ATG3: variants seen among roughly 807,000 people sequenced by gnomAD.
ATG3 encodes ubiquitin-like-conjugating enzyme ATG3.
Under a neutral mutation model 50.7 loss-of-function variants are expected in ATG3, and 25 were observed. The ratio of observed to expected loss-of-function variants is 0.49; its 90% CI spans 0.36 to 0.69. The LOEUF (loss-of-function observed/expected upper bound fraction) is 0.69, where lower values mean the gene tolerates loss of function less well. Among genes scored for constraint, ATG3 ranks in the 30% least tolerant of loss-of-function variants. The pLI, the probability that ATG3 is intolerant of heterozygous loss-of-function variation, is 0.00. For missense variants in ATG3, 281 were observed against 376.0 expected (o/e 0.75, Z 2.09); for synonymous variants, 119 against 125.5 (o/e 0.95, Z 0.34).
chr3:112,537,791 T>A lies in ATG3; in HGVS notation c.610A>T (p.Ile204Phe). 1.2e-6 allele frequency: 2 copies of A among 1,611,896 alleles called. No individual in the cohort carries two copies. Among genetic ancestry groups the A allele is most frequent in the Non-Finnish European group, 1.7e-6 (2 of 1,179,388 alleles). ...ILQTRTYDLY[I>F]TYDKYYQTPR... is the part of the protein sequence containing the mutation. ...GTCTGGTAATATTTATCATAAGTGA[T>A]GTAAAGGTCATAAGTTCTGGTTTGC... Residue 204 changes from isoleucine (I) to phenylalanine (F), a missense_variant, in exon 9 of 12, where the codon ATC becomes TTC. Transcript: ENST00000283290.
rs367646833 is a variant in ATG3 at position 112,555,130 on chromosome 3, A to G, written c.115-1801T>C. ...TGTATTGCCTTGAGGTAACAAGACT[A>G]ACATTTTATCTCATAGTCCCTATAG... On this transcript the variant is annotated intron_variant, in intron 2 of 11. Coordinates refer to ENST00000283290, the MANE Select transcript of ATG3 (RefSeq NM_022488.5). Among the ~76,000 whole-genome samples, 3 of 152,336 alleles carry G rather than the reference A, an allele frequency of 2.0e-5. No individual in the cohort carries two copies. In the East Asian group the frequency reaches 5.8e-4, roughly 29 times the overall value.
chr3:112,546,136 A>T (rs749274759), intron 5 of ATG3, among the ~76,000 whole-genome samples: 8 of 151,700 alleles, frequency 5.3e-5, no homozygotes, highest in African/African-American at 9.7e-5. Flanking sequence ...CAATTCCTCT[A>T]AAAAAAACAC....
intron 10 of ATG3, chr3:112,535,935 A>G (rs1933031286): frequency 6.5e-6 from 1 of 153,378 alleles, no homozygotes; most frequent in East Asian, 1.9e-4. Flanking sequence ...TGGCTCTGTG[A>G]AAAAACACTG....
At chr3:112,539,264 TCTCA>T (rs1933159545) in intron 7 of ATG3, among the ~76,000 whole-genome samples, 1 of 151,894 alleles carries the variant, frequency 6.6e-6, no homozygotes, top group Admixed American at 6.6e-5. Context: ...CAATGGCTTG[TCTCA>T]CTCTGAGTAA....
intron 7 of ATG3, among the ~76,000 whole-genome samples, chr3:112,539,021 C>T (rs557431577): frequency 6.6e-6 from 1 of 152,276 alleles, no homozygotes; most frequent in East Asian, 1.9e-4. Flanking sequence ...CATATGACAT[C>T]CAATCCAGCA....
intron 11 of ATG3, 135 bp downstream of exon 11, chr3:112,534,134 G>A: frequency 7.0e-7 from 1 of 1,419,840 alleles, no homozygotes; most frequent in Non-Finnish European, 9.2e-7. Flanking sequence ...ATAAATGAAA[G>A]ACTTCTACTA....
chr3:112,552,507 T>C (rs1393992628), intron 3 of ATG3, among the ~76,000 whole-genome samples: 1 of 151,934 alleles, frequency 6.6e-6, no homozygotes, highest in African/African-American at 2.4e-5. Context: ...TTCCTAAAGA[T>C]GGAGCATACT....
intron 2 of ATG3, among the ~76,000 whole-genome samples, chr3:112,556,418 C>G (rs574523789): frequency 4.9e-5 from 7 of 143,072 alleles, no homozygotes; most frequent in Non-Finnish European, 1.1e-4. Context: ...GTCAGCCCCC[C>G]GCCCGGCCAG....
At chr3:112,539,615 T>C (rs552723281) in intron 7 of ATG3, among the ~76,000 whole-genome samples, 3 of 152,214 alleles carry the variant, frequency 2.0e-5, no homozygotes, top group Non-Finnish European at 4.4e-5. Context: ...ATTTTGCTTA[T>C]CTATTTTTTG....
intron 9 of ATG3, among the ~76,000 whole-genome samples, chr3:112,537,057 T>G (rs1193042128): frequency 6.6e-6 from 1 of 151,812 alleles, no homozygotes. Context: ...AATTCTAGAC[T>G]GTTTAGAATG....
At chr3:112,541,424 T>G (rs1576717006) in intron 7 of ATG3, among the ~76,000 whole-genome samples, 1 of 151,950 alleles carries the variant, frequency 6.6e-6, no homozygotes, top group South Asian at 2.1e-4. Context: ...ACTCACTATC[T>G]TCAGGTTTTA....
rs1280583153 is a variant in ATG3 at position 112,558,605 on chromosome 3, A to C, written c.73-188T>G. Among the ~76,000 whole-genome samples, 3 of 152,162 alleles carry C rather than the reference A, an allele frequency of 2.0e-5. No individual in the cohort carries two copies. In the East Asian group the frequency reaches 5.8e-4, roughly 29 times the overall value. ...ACCTACCTCATTGGTATCTATCTAT[A>C]TCTATCTATCTGTTTCACTCACTGG... On this transcript the variant is annotated intron_variant, in intron 1 of 11. Transcript: ENST00000283290.
chr3:112,560,974 C>A (rs1933846665), intron 1 of ATG3, among the ~76,000 whole-genome samples: 1 of 152,130 alleles, frequency 6.6e-6, no homozygotes, highest in Non-Finnish European at 1.5e-5. Context: ...GAAATCTAAA[C>A]GAGTTGGGAT....
At chr3:112,543,583 G>C (rs568365879) in intron 6 of ATG3, among the ~76,000 whole-genome samples, 6 of 152,158 alleles carry the variant, frequency 3.9e-5, no homozygotes, top group Non-Finnish European at 8.8e-5. Flanking sequence ...AAAATACAGA[G>C]AGAATGATTA....
At chr3:112,554,264 T>C (rs759660263) in intron 2 of ATG3, among the ~76,000 whole-genome samples, 1 of 152,232 alleles carries the variant, frequency 6.6e-6, no homozygotes, top group Non-Finnish European at 1.5e-5. Flanking sequence ...TACATCTAGA[T>C]GTGCTGAAGC....
chr3:112,539,228 AAAAC>A (rs1371027195), intron 7 of ATG3, among the ~76,000 whole-genome samples: 19 of 152,272 alleles, frequency 1.2e-4, no homozygotes, highest in Middle Eastern at 3.4e-3. Context: ...CTCTACTTGA[AAAAC>A]AAACAAACAA....
chr3:112,553,574 G>A (rs1472512502), intron 2 of ATG3, among the ~76,000 whole-genome samples: 1 of 152,104 alleles, frequency 6.6e-6, no homozygotes, highest in Non-Finnish European at 1.5e-5. Context: ...GAAAAAACAA[G>A]TGCTGTTTTT....
At chr3:112,536,756 C>T (rs931815404) in intron 9 of ATG3, 154 bp from the exon 10 acceptor site, 1 of 669,818 alleles carries the variant, frequency 1.5e-6, no homozygotes, top group South Asian at 2.2e-5. Flanking sequence ...ACCGTCTCTA[C>T]TAAGAATATA....
In ATG3 at chr3:112,538,150, T is replaced by C; in HGVS notation, c.506A>G (p.Asp169Gly). The C allele has an allele frequency of 6.3e-7, 1 of 1,581,790 alleles. No individual in the cohort carries two copies. The highest frequency in any genetic ancestry group is 1.2e-5 in the South Asian group (1 of 86,636). ...EYEESGLLETDEATLDTRKIV... is the reference protein window; with the variant it reads ...EYEESGLLETGEATLDTRKIV... The stretch of plus-strand genomic sequence containing the variant: ...AAGAAAACTCAATTTACAAACCTCA[T>C]CTGTTTCCAACAATCCACTCTCTTC... Residue 169 changes from aspartate to glycine, a missense_variant, in exon 8 of 12, where the codon GAT (aspartate) becomes GGT (glycine). Asp to Gly is a moderately conservative substitution (Grantham distance 94). Around this residue, in one of 3 missense-constraint regions of ATG3, gnomAD observed 242 missense variants for 305.0 expected, o/e 0.79. Coordinates refer to ENST00000283290, the MANE Select transcript of ATG3 (RefSeq NM_022488.5).
Sources: gnomAD v4.1 joint callset for allele counts (sites outside exome capture counted in the v4.1 genomes callset) on GRCh38, gnomAD v4.1.1 for gene constraint, gnomAD v4.1.1 regional missense constraint, MANE v1.5 for transcripts, NCBI Gene and HGNC (gene_info 2026-07-23, HGNC 2026-07-21) for gene names.